GLIS1: variants seen among roughly 807,000 people sequenced by gnomAD.
GLIS1 encodes the protein GLIS family zinc finger 1, also known as zinc finger protein GLIS1.
GLIS1 carries 24 observed loss-of-function variants against 63.8 expected under a neutral mutation model. The ratio of observed to expected loss-of-function variants is 0.38; its 90% CI spans 0.27 to 0.53. The LOEUF (loss-of-function observed/expected upper bound fraction) is 0.53, where lower values mean the gene tolerates loss of function less well. Ranked by LOEUF, GLIS1 falls within the 20% of genes least tolerant of loss-of-function variation. The pLI, the probability that GLIS1 is intolerant of heterozygous loss-of-function variation, is 0.85. For synonymous variants in GLIS1, 450 were observed against 482.5 expected (o/e 0.93, Z 0.88); for missense variants, 1,036 against 1,074.1 (o/e 0.96, Z 0.50).
intron 2 of GLIS1, among the ~76,000 whole-genome samples, chr1:53,666,854 T>G (rs1241745740): frequency 1.3e-5 from 2 of 152,074 alleles, no homozygotes; most frequent in Non-Finnish European, 2.9e-5. Flanking sequence ...TTCTTAGTGA[T>G]CTCACCCCTC....
chr1:53,678,088 G>T (rs1183025490), intron 2 of GLIS1, among the ~76,000 whole-genome samples: 1 of 152,116 alleles, frequency 6.6e-6, no homozygotes, highest in African/African-American at 2.4e-5. Flanking sequence ...CATACTGGCT[G>T]TGGATGGCCC....
At chr1:53,735,701 A>G (rs981789240) in intron 2 of GLIS1, among the ~76,000 whole-genome samples, 31 of 152,258 alleles carry the variant, frequency 2.0e-4, no homozygotes, top group African/African-American at 7.5e-4. Context: ...TCTGTTTCCA[A>G]TAAGCCTGAG....
At chr1:53,650,589 C>CAA (rs61374751) in intron 2 of GLIS1, among the ~76,000 whole-genome samples, 4,855 of 105,410 alleles carry the variant, frequency 0.046, 270 homozygotes, top group African/African-American at 0.15. Context: ...GACTTCATCT[C>CAA]AAAAAAAAAA....
At chr1:53,683,119 G>T (rs1040352825) in intron 2 of GLIS1, among the ~76,000 whole-genome samples, 3 of 152,166 alleles carry the variant, frequency 2.0e-5, no homozygotes, top group Non-Finnish European at 4.4e-5. Context: ...AGAAGGAAAG[G>T]AAAGAAGGCG....
In GLIS1 at chr1:53,735,741, G is replaced by A. The variant is rs543671888; in HGVS notation, c.259+2065C>T. Among the ~76,000 whole-genome samples the A allele has an allele frequency of 9.2e-5, 14 of 152,228 alleles. No homozygotes were observed. In the East Asian group the frequency reaches 2.1e-3, roughly 23 times the overall value. On this transcript the variant is annotated intron_variant, in intron 2 of 10. Transcript: ENST00000628545. ...TGGAGCTAGACACCAAATATTCAAA[G>A]GGTTACATGGTCTGGGACTATTTCG...
chr1:53,634,529 T>A (rs1645702611), intron 2 of GLIS1, among the ~76,000 whole-genome samples: 2 of 152,022 alleles, frequency 1.3e-5, no homozygotes. Flanking sequence ...ACAGACAAAA[T>A]GAGGCCTGAG....
At chr1:53,555,790 GTGCAGGTGTACTGCAGGTGTGTGTA>G (rs1644813710) in intron 4 of GLIS1, among the ~76,000 whole-genome samples, 2 of 151,228 alleles carry the variant, frequency 1.3e-5, no homozygotes, top group African/African-American at 4.9e-5. Flanking sequence ...AGGTATGTGT[GTGCAGGTGTACTGCAGGTGTGTGTA>G]TGCAGGTGTA....
At chr1:53,589,709 G>T (rs1645169810) in intron 4 of GLIS1, among the ~76,000 whole-genome samples, 1 of 152,196 alleles carries the variant, frequency 6.6e-6, no homozygotes, top group African/African-American at 2.4e-5. Flanking sequence ...AGGAAGCTGG[G>T]CAGGATGAAA....
chr1:53,587,454 T>C (rs1557465378), intron 4 of GLIS1, among the ~76,000 whole-genome samples: 1 of 152,116 alleles, frequency 6.6e-6, no homozygotes, highest in Non-Finnish European at 1.5e-5. Context: ...GTGGCTTGAG[T>C]GGGTGGGACC....
chr1:53,676,135 T>C (rs907923365), intron 2 of GLIS1, among the ~76,000 whole-genome samples: 2 of 152,190 alleles, frequency 1.3e-5, no homozygotes, highest in Non-Finnish European at 2.9e-5. Context: ...TAACACCGTT[T>C]GCTCTGGTTT....
intron 2 of GLIS1, among the ~76,000 whole-genome samples, chr1:53,612,191 T>C (rs1186494978): frequency 6.6e-6 from 1 of 152,234 alleles, no homozygotes; most frequent in African/African-American, 2.4e-5. Context: ...GCCTGTGCCA[T>C]GCATAAATCA....
chr1:53,580,595 C>T (rs924874821), intron 4 of GLIS1, among the ~76,000 whole-genome samples: 1 of 152,100 alleles, frequency 6.6e-6, no homozygotes, highest in African/African-American at 2.4e-5. Flanking sequence ...GAGGGTACCC[C>T]AGAGCAGGGG....
intron 4 of GLIS1, among the ~76,000 whole-genome samples, chr1:53,542,434 C>A (rs1455950603): frequency 6.6e-6 from 1 of 152,210 alleles, no homozygotes; most frequent in Admixed American, 6.5e-5. Flanking sequence ...AGCACAGGGG[C>A]TGGCACAGAG....
chr1:53,656,804 G>A (rs1645970890), intron 2 of GLIS1, among the ~76,000 whole-genome samples: 1 of 152,236 alleles, frequency 6.6e-6, no homozygotes, highest in African/African-American at 2.4e-5. Flanking sequence ...GGCCAGTCCA[G>A]CCAAAGCCCA....
chr1:53,599,864 T>C (rs1316464452), intron 3 of GLIS1, among the ~76,000 whole-genome samples: 1 of 152,276 alleles, frequency 6.6e-6, no homozygotes, highest in African/African-American at 2.4e-5. Flanking sequence ...TGATTCTCTG[T>C]GAAAAGCTTC....
chr1:53,737,683 T>G, intron 2 of GLIS1, 123 bp downstream of exon 2: 1 of 982,572 alleles, frequency 1.0e-6, no homozygotes, highest in Non-Finnish European at 1.3e-6. Flanking sequence ...TCCCAAACAA[T>G]AAGAGAGAAA....
At chr1:53,680,283 T>C (rs1321267010) in intron 2 of GLIS1, among the ~76,000 whole-genome samples, 1 of 152,130 alleles carries the variant, frequency 6.6e-6, no homozygotes, top group Non-Finnish European at 1.5e-5. Flanking sequence ...GCCTCATAGA[T>C]AGGAACACGG....
intron 2 of GLIS1, among the ~76,000 whole-genome samples, chr1:53,692,807 G>A (rs1646421080): frequency 2.0e-5 from 3 of 152,200 alleles, no homozygotes; most frequent in South Asian, 4.1e-4. Context: ...GGAACCCCAC[G>A]CTTGCCCAAG....
At chr1:53,698,175 C>G (rs1646486381) in intron 2 of GLIS1, among the ~76,000 whole-genome samples, 1 of 151,932 alleles carries the variant, frequency 6.6e-6, no homozygotes, top group South Asian at 2.1e-4. Flanking sequence ...ACACGCCCTC[C>G]CAGCTTCAGT....
Sources: gnomAD v4.1 joint callset for allele counts (sites outside exome capture counted in the v4.1 genomes callset) on GRCh38, gnomAD v4.1.1 for gene constraint, MANE v1.5 for transcripts, NCBI Gene and HGNC (gene_info 2026-07-23, HGNC 2026-07-21) for gene names.